The following ANO4 variants were observed in gnomAD, a reference collection of about 807,000 sequenced individuals.
The protein encoded by ANO4 is anoctamin 4, also known as anoctamin-4.
Under a neutral mutation model 141.9 loss-of-function variants are expected in ANO4, and 69 were observed. The observed-to-expected ratio is 0.49, with a 90% confidence interval of 0.40 to 0.59. The LOEUF is 0.59. Among genes scored for constraint, ANO4 ranks in the 20% least tolerant of loss-of-function variants. ANO4 has a pLI of 0.00. For missense variants in ANO4, 894 were observed against 1,162.2 expected (o/e 0.77, Z 3.36); for synonymous variants, 350 against 394.3 (o/e 0.89, Z 1.33).
chr12:100,952,350 G>A (rs1329436253), intron 5 of ANO4, among the ~76,000 whole-genome samples: 2 of 152,148 alleles, frequency 1.3e-5, no homozygotes, highest in South Asian at 2.1e-4. Context: ...GCTATTATGA[G>A]GATAAAATGA....
intron 8 of ANO4, among the ~76,000 whole-genome samples, chr12:101,014,996 A>ATTTTTTT (rs10685175): frequency 3.8e-4 from 54 of 143,578 alleles, no homozygotes; most frequent in African/African-American, 6.6e-4. Context: ...CACCCAGCTA[A>ATTTTTTT]TTTTTTTTTT....
chr12:101,035,811 C>T (rs922540985), intron 9 of ANO4, among the ~76,000 whole-genome samples: 1 of 152,112 alleles, frequency 6.6e-6, no homozygotes, highest in Non-Finnish European at 1.5e-5. Flanking sequence ...ATTGAGTACA[C>T]ATGGACAAAG....
chr12:101,083,437 GTAACTGT>G (rs1288166977), intron 15 of ANO4, among the ~76,000 whole-genome samples: 1 of 152,128 alleles, frequency 6.6e-6, no homozygotes, highest in African/African-American at 2.4e-5. Flanking sequence ...ACAGATAAAT[GTAACTGT>G]TAGTCCAAAT....
At chr12:100,757,899 A>G (rs2032683443) in intron 3 of ANO4, among the ~76,000 whole-genome samples, 2 of 151,348 alleles carry the variant, frequency 1.3e-5, no homozygotes, top group South Asian at 2.1e-4. Context: ...TGTCTATTTT[A>G]CTCTTTTCGC....
chr12:101,111,812 C>T, intron 24 of ANO4, 102 bp downstream of exon 24: 2 of 1,063,190 alleles, frequency 1.9e-6, no homozygotes, highest in Admixed American at 3.2e-5. Context: ...GGAATACATG[C>T]CCAGAAGGAG....
At chr12:101,007,733 A>C (rs1303272215) in intron 8 of ANO4, among the ~76,000 whole-genome samples, 2 of 152,064 alleles carry the variant, frequency 1.3e-5, no homozygotes, top group African/African-American at 4.8e-5. Flanking sequence ...TTTTTGTTTC[A>C]TTTGGAGATA....
At chr12:100,808,514 G>T (rs775919602) in intron 1 of ANO4, among the ~76,000 whole-genome samples, 2 of 152,236 alleles carry the variant, frequency 1.3e-5, no homozygotes, top group South Asian at 4.1e-4. Context: ...CCAACCTGTC[G>T]TCACACAGGG....
At chr12:100,780,700 T>G (rs2033686318) in intron 3 of ANO4, among the ~76,000 whole-genome samples, 1 of 152,162 alleles carries the variant, frequency 6.6e-6, no homozygotes, top group Admixed American at 6.5e-5. Flanking sequence ...GAGTCCTGAC[T>G]GAGGGTCGGA....
In ANO4 at chr12:100,919,700, GTGTGTA is replaced by G. The variant is rs1346335518; in HGVS notation, c.56-2522_56-2517del. 9.9e-4 allele frequency among the ~76,000 whole-genome samples: 131 copies of G among 132,650 alleles called. 2 individuals are homozygous for G. Among genetic ancestry groups the G allele is most frequent in the Admixed American group, 6.0e-3 (83 of 13,888 alleles). The allele number at this position is 132,650 out of a possible 152,430, so 87.0% of individuals were successfully genotyped here. A position where few individuals can be genotyped will look rare whatever the true frequency, so the allele number is the denominator to read the frequency against. ...TGTGTGTGTGTGTGTGTGTGTGTGT[GTGTGTA>G]TGTATGTATGTATGTATGTGTGTAT... On this transcript the variant is annotated intron_variant, in intron 2 of 27. Transcript: ENST00000392977.
chr12:100,740,577 G>A (rs557573086), intron 3 of ANO4, among the ~76,000 whole-genome samples: 2 of 151,830 alleles, frequency 1.3e-5, no homozygotes, highest in African/African-American at 2.4e-5. Context: ...GACTAAACTC[G>A]TGTATTCAAA....
chr12:100,931,397 A>G (rs1394449103), intron 3 of ANO4, among the ~76,000 whole-genome samples: 1 of 152,156 alleles, frequency 6.6e-6, no homozygotes. Flanking sequence ...AATGACTTCC[A>G]TTCTTGAAAG....
intron 1 of ANO4, among the ~76,000 whole-genome samples, chr12:100,807,838 G>A (rs1269705735): frequency 6.6e-6 from 1 of 152,132 alleles, no homozygotes; most frequent in African/African-American, 2.4e-5. Context: ...AGTTTGCTGA[G>A]GATAATGGCT....
chr12:100,916,247 A>G (rs977440824), intron 2 of ANO4, among the ~76,000 whole-genome samples: 5 of 152,150 alleles, frequency 3.3e-5, no homozygotes, highest in Non-Finnish European at 5.9e-5. Context: ...GTACTTTGAT[A>G]TTTTGTTTAT....
upstream of ANO4, among the ~76,000 whole-genome samples, chr12:100,791,321 A>G (rs2034038845): frequency 6.6e-6 from 1 of 152,038 alleles, no homozygotes; most frequent in South Asian, 2.1e-4. Flanking sequence ...GAGGCAGGAG[A>G]ATTGCTTAAA....
At chr12:100,976,667 G>A (rs562933765) in intron 7 of ANO4, among the ~76,000 whole-genome samples, 21 of 152,296 alleles carry the variant, frequency 1.4e-4, no homozygotes, top group Non-Finnish European at 2.2e-4. Flanking sequence ...TGCTGGTCAC[G>A]GGACGATGTT....
At chr12:101,058,679 A>G (rs146616594) in intron 14 of ANO4, among the ~76,000 whole-genome samples, 7 of 152,278 alleles carry the variant, frequency 4.6e-5, no homozygotes, top group African/African-American at 1.7e-4. Context: ...TTCTTGGTGT[A>G]TAAGAATGCT....
At chr12:100,871,920 C>G (rs1198767019) in intron 1 of ANO4, among the ~76,000 whole-genome samples, 1 of 152,140 alleles carries the variant, frequency 6.6e-6, no homozygotes, top group African/African-American at 2.4e-5. Context: ...TTTGGAGGGT[C>G]ATAAACATTT....
intron 3 of ANO4, 132 bp downstream of exon 3, chr12:100,922,462 A>G (rs1308209579): frequency 1.6e-6 from 1 of 610,420 alleles, no homozygotes; most frequent in Non-Finnish European, 2.7e-6. Context: ...TGAAAGAGAT[A>G]CTGTGCAAAA....
rs569913144 is a variant in ANO4 at position 100,737,435 on chromosome 12, G to A, written c.107-2419G>A. Among the ~76,000 whole-genome samples the A allele has an allele frequency of 1.6e-4, 24 of 152,218 alleles. No homozygotes were observed. The South Asian group carries it at 1.7e-3, about 11-fold the overall frequency. On this transcript the variant is annotated intron_variant, in intron 2 of 29. Transcript: ENST00000644049. ...CTCCTATCTCACTAGGCAGGTCTGC[G>A]TCCCAAGACCCCATCCTTGAGCCAA...
Sources: gnomAD v4.1 joint callset for allele counts (sites outside exome capture counted in the v4.1 genomes callset) on GRCh38, gnomAD v4.1.1 for gene constraint, MANE v1.5 for transcripts, NCBI Gene and HGNC (gene_info 2026-07-23, HGNC 2026-07-21) for gene names.